PSG5: variants seen among roughly 807,000 people sequenced by gnomAD.
The protein encoded by PSG5 is pregnancy specific beta-1-glycoprotein 5.
Under a neutral mutation model 37.7 loss-of-function variants are expected in PSG5, and 53 were observed. That is an observed-to-expected ratio of 1.41 (90% CI 1.13 to 1.77). PSG5 has a LOEUF of 1.77. PSG5 is among the 40% of genes most tolerant of loss of function. The probability of loss-of-function intolerance (pLI) is 0.00; values close to 1 mark genes in which losing one functional copy is unlikely to be tolerated. For synonymous variants in PSG5, 221 were observed against 155.4 expected, an observed-to-expected ratio of 1.42 and a Z score of -3.14; for missense variants, 547 against 405.2, an observed-to-expected ratio of 1.35 and a Z score of -3.00.
rs1297527982 is a variant in PSG5, at chr19:43,176,115, T to C, written c.464A>G (p.Asn155Ser). The C allele has an allele frequency of 6.2e-7, 1 of 1,611,064 alleles. No homozygotes were observed. The highest frequency in any genetic ancestry group is 1.3e-5 in the African/African-American group (1 of 74,462). Residue 155 changes from asparagine to serine, a missense_variant, in exon 3 of 6, where the codon AAC becomes AGC. Asn to Ser is a conservative substitution (Grantham distance 46). Coordinates refer to ENST00000342951, the MANE Select transcript of PSG5 (RefSeq NM_002781.4). The part of the protein sequence containing the change: ...KLPKPYITIN[N>S]SKPRENKDVL... ...ATCCTTATTCTCCCTGGGTTTTGAG[T>C]TGTTGATGGTGATGTAGGGCTTGGG...
At chr19:43,179,144 C>T (rs1969074569) in intron 2 of PSG5, 2 of 1,594,684 alleles carry the variant, frequency 1.3e-6, no homozygotes, top group Non-Finnish European at 8.6e-7. Flanking sequence ...AGATGGAGGG[C>T]TTGGGAGTTT....
intron 4 of PSG5, chr19:43,174,957 T>C: frequency 1.5e-6 from 2 of 1,346,294 alleles, no homozygotes; most frequent in Non-Finnish European, 2.0e-6. Flanking sequence ...AAGCCTCCTC[T>C]ACCACATAGG....
At chr19:43,177,902 T>C (rs1248101851) in intron 2 of PSG5, among the ~76,000 whole-genome samples, 1 of 148,914 alleles carries the variant, frequency 6.7e-6, no homozygotes, top group Non-Finnish European at 1.5e-5. Flanking sequence ...CTTTCAGCAA[T>C]GTTTTGTAGT....
rs1190709951 is a variant in PSG5 at position 43,168,605 on chromosome 19, A to G, written c.*41-402T>C. On this transcript the variant is annotated intron_variant, in intron 5 of 5. Transcript: ENST00000342951. The stretch of plus-strand genomic sequence containing the variant: ...GCCAGGATGGTCTCGATCTCCTGAC[A>G]TCGTGATGTGCCCACCTCGGCCTCC... Among the ~76,000 whole-genome samples the G allele has an allele frequency of 3.3e-5, 5 of 151,634 alleles. 1 individual carries two copies. The highest frequency in any genetic ancestry group is 7.4e-5 in the Non-Finnish European group (5 of 67,912).
At chr19:43,184,078 T>C (rs529146513) in intron 2 of PSG5, among the ~76,000 whole-genome samples, 1 of 151,816 alleles carries the variant, frequency 6.6e-6, no homozygotes. Context: ...GTACATCTTC[T>C]CCCTTCTGTT....
At chr19:43,185,251 GACACACACACACACAA>G (rs1599757407) in intron 1 of PSG5, 104 bp from the exon 2 acceptor site, 4 of 1,351,710 alleles carry the variant, frequency 3.0e-6, no homozygotes, top group South Asian at 2.8e-5. Context: ...CAGCCTTGAA[GACACACACACACACAA>G]ACACACACAC....
intron 2 of PSG5, among the ~76,000 whole-genome samples, chr19:43,179,463 A>C (rs1210879139): frequency 6.6e-6 from 1 of 151,580 alleles, no homozygotes; most frequent in Non-Finnish European, 1.5e-5. Flanking sequence ...TCCGACTAAA[A>C]CTGCCTGCCT....
intron 4 of PSG5, among the ~76,000 whole-genome samples, chr19:43,171,670 A>G (rs1285582957): frequency 6.6e-6 from 1 of 151,570 alleles, no homozygotes; most frequent in Admixed American, 6.6e-5. Flanking sequence ...AATTACTCAA[A>G]TCAGAAATGA....
chr19:43,181,653 T>C (rs1307178692), intron 2 of PSG5, among the ~76,000 whole-genome samples: 1 of 151,420 alleles, frequency 6.6e-6, no homozygotes. Context: ...AGAGACGGAG[T>C]TTCAACATGT....
chr19:43,175,156 T>A, intron 4 of PSG5, 59 bp downstream of exon 4: 1 of 1,611,408 alleles, frequency 6.2e-7, no homozygotes, highest in Non-Finnish European at 8.5e-7. Flanking sequence ...AACTCTTCTC[T>A]GAAAGCCAGG....
intron 2 of PSG5, among the ~76,000 whole-genome samples, chr19:43,181,001 C>G (rs1189882436): frequency 1.3e-5 from 2 of 151,678 alleles, no homozygotes; most frequent in East Asian, 1.9e-4. Flanking sequence ...TTCATTTTCT[C>G]TTAAGCTCAC....
At chr19:43,185,601 G>A (rs1274116853) in intron 1 of PSG5, among the ~76,000 whole-genome samples, 1 of 151,314 alleles carries the variant, frequency 6.6e-6, no homozygotes, top group Non-Finnish European at 1.5e-5. Flanking sequence ...CTCTTTGCAT[G>A]TCTGTCTTCC....
intron 1 of PSG5, among the ~76,000 whole-genome samples, chr19:43,185,433 C>A (rs910315184): frequency 4.9e-5 from 7 of 143,936 alleles, no homozygotes; most frequent in African/African-American, 8.2e-5. Flanking sequence ...CACGGCACCC[C>A]CCCCCCCCCA....
intron 4 of PSG5, chr19:43,174,742 G>T: frequency 9.1e-7 from 1 of 1,094,990 alleles, no homozygotes; most frequent in Non-Finnish European, 1.1e-6. Flanking sequence ...AGCAGAGCAG[G>T]AAGCAGAGTC....
chr19:43,174,395 AC>A lies in PSG5; in HGVS notation c.964+819del. 3.6e-6 allele frequency: 3 copies of A among 830,148 alleles called. 1 individual carries two copies. Among genetic ancestry groups the A allele is most frequent in the Non-Finnish European group, 4.4e-6 (3 of 689,248 alleles). The allele number at this position is 830,148 out of a possible 1,614,324, so 51.4% of individuals were successfully genotyped here. A position where few individuals can be genotyped will look rare whatever the true frequency, so the allele number is the denominator to read the frequency against. ...AGTCTTACCCTCTCTATAATTACAC[AC>A]TTTTTGGCACTGCCCCTTTCCTGCC... On this transcript the variant is annotated intron_variant, in intron 4 of 5. Coordinates refer to ENST00000342951, the MANE Select transcript of PSG5 (RefSeq NM_002781.4).
Position 43,168,142 on chromosome 19 carries a change from G to A in PSG5, c.*102C>T, listed in dbSNP as rs1458612755. 4.5e-6 allele frequency: 2 copies of A among 442,438 alleles called. No homozygotes were observed. Among genetic ancestry groups the A allele is most frequent in the Non-Finnish European group, 4.1e-6 (1 of 246,814 alleles). The allele number at this position is 442,438 out of a possible 1,614,324, so 27.4% of individuals were successfully genotyped here. A position where few individuals can be genotyped will look rare whatever the true frequency, so the allele number is the denominator to read the frequency against. On this transcript the variant is annotated 3_prime_UTR_variant, in exon 6 of 6. Transcript: ENST00000342951. ...AGTCTTTTCCATAAATCTCCTTGAA[G>A]AAAAAGCAATTTTGGACTGTAGGTG...
chr19:43,184,407 G>A (rs1184776105), intron 2 of PSG5, among the ~76,000 whole-genome samples: 1 of 151,610 alleles, frequency 6.6e-6, no homozygotes, highest in African/African-American at 2.4e-5. Flanking sequence ...GAGGCTTCTA[G>A]GGCTGAGCTT....
chr19:43,186,535 T>C lies in PSG5; in HGVS notation c.-130A>G, dbSNP rs1247979552. On this transcript the variant is annotated 5_prime_UTR_variant, in exon 1 of 6. Transcript: ENST00000342951. ...CCTCTCTCCAGGGCAGGAGCACTTCTCAGGCTCATGGGTGGGGTCAGGCCC... is the reference window on the plus strand; with the variant it reads ...CCTCTCTCCAGGGCAGGAGCACTTCCCAGGCTCATGGGTGGGGTCAGGCCC... 31 of 1,439,450 alleles carry C rather than the reference T, an allele frequency of 2.2e-5. 1 individual carries two copies. Among genetic ancestry groups the C allele is most frequent in the Non-Finnish European group, 2.7e-5 (29 of 1,071,742 alleles). 89.2% of individuals were successfully genotyped at this position (1,439,450 alleles called of 1,614,324 possible). A position where few individuals can be genotyped will look rare whatever the true frequency, so the allele number is the denominator to read the frequency against.
At chr19:43,182,176 A>C (rs2190837) in intron 2 of PSG5, among the ~76,000 whole-genome samples, 102,650 of 151,432 alleles carry the variant, frequency 0.68, 36,133 homozygotes, top group East Asian at 0.99. Flanking sequence ...GAAACTAACA[A>C]CCTTACTTTG....
Sources: allele counts gnomAD v4.1 joint callset (sites outside exome capture counted in the v4.1 genomes callset), GRCh38; gene constraint gnomAD v4.1.1; transcripts MANE v1.5; gene names NCBI Gene and HGNC (gene_info 2026-07-23, HGNC 2026-07-21).